PARS2: variants seen among roughly 807,000 people sequenced by gnomAD.
PARS2 encodes prolyl-tRNA synthetase 2, mitochondrial, also known as probable proline--tRNA ligase, mitochondrial.
PARS2 carries 20 observed loss-of-function variants against 27.4 expected under a neutral mutation model. The observed-to-expected ratio is 0.73, with a 90% CI of 0.51 to 1.06. The LOEUF (loss-of-function observed/expected upper bound fraction) is 1.06. Among genes scored for constraint, PARS2 ranks in the 50% least tolerant of loss-of-function variants. The pLI, the probability that PARS2 is intolerant of heterozygous loss-of-function variation, is 0.00. For missense variants in PARS2, 585 were observed against 602.1 expected (o/e 0.97, Z 0.30); for synonymous variants, 240 against 247.1 (o/e 0.97, Z 0.27).
In PARS2 at chr1:54,758,030, T is replaced by A; in HGVS notation, c.1132A>T (p.Lys378Ter). 6.2e-7 allele frequency: 1 copy of A among 1,613,878 alleles called. No homozygotes were observed. The highest frequency in any genetic ancestry group is 1.7e-5 in the Admixed American group (1 of 59,978). ...APYQACLIPP[K>*]KGSKEQAASE... ...GCCGCCTGCTCCTTACTGCCCTTCT[T>A]AGGGGGGATGAGGCAGGCTTGGTAA... is the stretch of plus-strand genomic sequence containing the variant. The change falls in exon 2 of 2, where the codon AAG (lysine) becomes TAG (stop). Residue 378 changes from lysine (K) to a stop codon, truncating the protein, a stop_gained. Coordinates refer to ENST00000371279, the MANE Select transcript of PARS2 (RefSeq NM_152268.4). LOFTEE classifies it high-confidence loss of function.
At chr1:54,762,738 T>C (rs1437794322) in intron 1 of PARS2, among the ~76,000 whole-genome samples, 1 of 152,090 alleles carries the variant, frequency 6.6e-6, no homozygotes, top group Non-Finnish European at 1.5e-5. Flanking sequence ...TTTTTCTTTC[T>C]TAAAAAATAG....
In PARS2 at chr1:54,758,100, G is replaced by A; in HGVS notation, c.1062C>T (p.Val354=). The A allele has an allele frequency of 1.2e-6, 2 of 1,614,110 alleles. 1 individual carries two copies. The highest frequency in any genetic ancestry group is 1.7e-6 in the Non-Finnish European group (2 of 1,180,008). ...AGCGGACACAGTCTTCTGTAGAGAG[G>A]ACTTCAATGGCAGCAGCCAAGATCC... ...VTRILAAAIE[V]LSTEDCVRWP... Residue 354 remains valine (V), a synonymous_variant, in exon 2 of 2, where the codon GTC becomes GTT. Coordinates refer to ENST00000371279, the MANE Select transcript of PARS2 (RefSeq NM_152268.4).
At chr1:54,759,921 T>C (rs1028486713) in intron 1 of PARS2, among the ~76,000 whole-genome samples, 5 of 152,060 alleles carry the variant, frequency 3.3e-5, no homozygotes, top group Admixed American at 3.3e-4. Context: ...GGAGAATCAC[T>C]TGAACCTGGG....
At position 54,759,129 on chromosome 1, in the gene PARS2, C is replaced by T; in HGVS notation, c.33G>A (p.Leu11=). MEGLLTRCRA[L]PALATCSRQL... is the part of the protein sequence containing the mutation. ...GGCGGCTGCAGGTGGCCAGGGCGGG[C>T]AATGCTCTGCATCTTGTCAGCAGCC... The change falls in exon 2 of 2, where the codon TTG becomes TTA. Residue 11 remains leucine (L), a synonymous_variant. Transcript: ENST00000371279. 6.2e-7 allele frequency: 1 copy of T among 1,606,434 alleles called. No individual in the cohort carries two copies. The highest frequency in any genetic ancestry group is 8.5e-7 in the Non-Finnish European group (1 of 1,174,656).
At chr1:54,761,968 A>G (rs564641797) in intron 1 of PARS2, among the ~76,000 whole-genome samples, 2 of 152,288 alleles carry the variant, frequency 1.3e-5, no homozygotes, top group East Asian at 3.9e-4. Context: ...CTCATCCTTG[A>G]TTCCTCCTAA....
chr1:54,762,492 G>T (rs1413836476), intron 1 of PARS2, among the ~76,000 whole-genome samples: 1 of 152,194 alleles, frequency 6.6e-6, no homozygotes, highest in Non-Finnish European at 1.5e-5. Context: ...TTCTCATTTA[G>T]TAAGTTTGGG....
At chr1:54,760,641 C>G (rs540248367) in intron 1 of PARS2, among the ~76,000 whole-genome samples, 6 of 152,308 alleles carry the variant, frequency 3.9e-5, no homozygotes, top group Admixed American at 2.0e-4. Flanking sequence ...AACAGCTTTT[C>G]TTGGTTATAA....
At chr1:54,759,642 C>A (rs1367888652) in intron 1 of PARS2, among the ~76,000 whole-genome samples, 18 of 152,126 alleles carry the variant, frequency 1.2e-4, no homozygotes, top group Admixed American at 1.2e-3. Flanking sequence ...CAGTATCTGG[C>A]ATGTACTATG....
At position 54,758,271 on chromosome 1, in the gene PARS2, G is replaced by A; in HGVS notation, c.891C>T (p.Gly297=). The change falls in exon 2 of 2, where the codon GGC becomes GGT. Residue 297 remains glycine (G), a synonymous_variant. Coordinates refer to ENST00000371279, the MANE Select transcript of PARS2 (RefSeq NM_152268.4). ...CAATGCCTTTGGTTTTAGTCAATGG[G>A]CCCTGGCAAGCAGGGCAGTTCATTT... ...LSQMNCPACQ[G]PLTKTKGIEV... 6.2e-7 allele frequency: 1 copy of A among 1,614,192 alleles called. No homozygotes were observed. Among genetic ancestry groups the A allele is most frequent in the Middle Eastern group, 1.6e-4 (1 of 6,062 alleles).
chr1:54,759,229 G>A (rs1159373627), intron 1 of PARS2, 39 bp from the exon 2 acceptor site: 19 of 1,299,768 alleles, frequency 1.5e-5, no homozygotes, highest in South Asian at 1.2e-4. Flanking sequence ...AGCCTCATCC[G>A]TGTTCCAACA....
chr1:54,762,459 T>G (rs976115259), intron 1 of PARS2, among the ~76,000 whole-genome samples: 2 of 152,154 alleles, frequency 1.3e-5, no homozygotes, highest in African/African-American at 4.8e-5. Context: ...AAAACAGTGA[T>G]TGCAGAGGCC....
chr1:54,758,565 G>T lies in PARS2; in HGVS notation c.597C>A (p.Leu199=), dbSNP rs1221145248. Residue 199 remains leucine (L), a synonymous_variant, in exon 2 of 2, where the codon CTC becomes CTA. Transcript: ENST00000371279. ...CCTTCATGTAAAACTCTCGGCCACG[G>T]AGAAGACCAAAGCGGGGCCTGGGCT... ...RDEPRPRFGL[L]RGREFYMKDM... 6.2e-7 allele frequency: 1 copy of T among 1,614,220 alleles called. No individual in the cohort carries two copies. Among genetic ancestry groups the T allele is most frequent in the African/African-American group, 1.3e-5 (1 of 75,052 alleles).
chr1:54,759,243 T>C lies in PARS2; in HGVS notation c.-29-53A>G, dbSNP rs573087627. ...GAGCCTCATCCGTGTTCCAACACCATGAAGCAGCCAACCCAGCCTGCTCTC... is the reference window on the plus strand; with the variant it reads ...GAGCCTCATCCGTGTTCCAACACCACGAAGCAGCCAACCCAGCCTGCTCTC... On this transcript the variant is annotated intron_variant, in intron 1 of 1. Coordinates refer to ENST00000371279, the MANE Select transcript of PARS2 (RefSeq NM_152268.4). 3.3e-5 allele frequency: 38 copies of C among 1,166,352 alleles called. No homozygotes were observed. In the African/African-American group the frequency reaches 5.4e-4, roughly 17 times the overall value. The allele number at this position is 1,166,352 out of a possible 1,614,324, so 72.3% of individuals were successfully genotyped here.
chr1:54,760,784 CTTT>C (rs377045963), intron 1 of PARS2, among the ~76,000 whole-genome samples: 3 of 147,126 alleles, frequency 2.0e-5, no homozygotes, highest in African/African-American at 7.4e-5. Flanking sequence ...CACGCCCACT[CTTT>C]TTTTTTTTTG....
intron 1 of PARS2, among the ~76,000 whole-genome samples, chr1:54,760,302 CA>C (rs1646148419): frequency 6.6e-6 from 1 of 152,204 alleles, no homozygotes; most frequent in Non-Finnish European, 1.5e-5. Flanking sequence ...ATTCTCCCCG[CA>C]AACCTACTCC....
At chr1:54,761,103 C>T (rs1013892238) in intron 1 of PARS2, among the ~76,000 whole-genome samples, 5 of 152,120 alleles carry the variant, frequency 3.3e-5, no homozygotes, top group Non-Finnish European at 5.9e-5. Flanking sequence ...AACATACTGT[C>T]CCTTTTGCAC....
At chr1:54,763,228 T>C (rs537378888) in intron 1 of PARS2, among the ~76,000 whole-genome samples, 2 of 152,312 alleles carry the variant, frequency 1.3e-5, no homozygotes, top group East Asian at 3.9e-4. Flanking sequence ...TGCACACACC[T>C]CTTTTTAGTA....
Position 54,758,211 on chromosome 1 carries a change from G to A in PARS2, c.951C>T (p.Tyr317=). The change falls in exon 2 of 2, where the codon TAC becomes TAT. Residue 317 remains tyrosine (Y), a synonymous_variant. Coordinates refer to ENST00000371279, the MANE Select transcript of PARS2 (RefSeq NM_152268.4). ...VGHTFYLGTK[Y]SSIFNAQFTN... ...TAAACTGGGCATTGAAAATGGATGA[G>A]TACTTGGTACCCAGGTAAAATGTGT... 1 of 1,614,236 alleles carries A rather than the reference G, an allele frequency of 6.2e-7. No individual in the cohort carries two copies. The highest frequency in any genetic ancestry group is 8.5e-7 in the Non-Finnish European group (1 of 1,180,044).
At chr1:54,760,563 A>C (rs1185375672) in intron 1 of PARS2, among the ~76,000 whole-genome samples, 2 of 151,264 alleles carry the variant, frequency 1.3e-5, no homozygotes, top group Non-Finnish European at 2.9e-5. Context: ...CCTGACTTCC[A>C]CTCCTGCCCT....
Sources: gnomAD v4.1 joint callset for allele counts (sites outside exome capture counted in the v4.1 genomes callset) on GRCh38, gnomAD v4.1.1 for gene constraint, MANE v1.5 for transcripts, NCBI Gene and HGNC (gene_info 2026-07-23, HGNC 2026-07-21) for gene names.